The following SEZ6L variants were observed in gnomAD, a reference collection of about 807,000 sequenced individuals.
SEZ6L encodes the protein seizure 6-like protein.
Under a neutral mutation model 106.2 loss-of-function variants are expected in SEZ6L, and 37 were observed. The ratio of observed to expected loss-of-function variants is 0.35; its 90% confidence interval spans 0.27 to 0.46. The LOEUF is 0.46. SEZ6L is among the 20% of genes least tolerant of loss of function. The pLI is 1.00. For missense variants in SEZ6L, 1,172 were observed against 1,332.8 expected (o/e 0.88, Z 1.88); for synonymous variants, 541 against 570.4 (o/e 0.95, Z 0.73).
At chr22:26,286,623 C>T (rs150990246) in intron 1 of SEZ6L, among the ~76,000 whole-genome samples, 1 of 152,304 alleles carries the variant, frequency 6.6e-6, no homozygotes, top group East Asian at 1.9e-4. Flanking sequence ...CGTTTCTTCA[C>T]TCACATCACC....
intron 8 of SEZ6L, 39 bp from the exon 9 acceptor site, chr22:26,313,725 C>G: frequency 6.3e-7 from 1 of 1,590,242 alleles, no homozygotes; most frequent in Non-Finnish European, 8.6e-7. Context: ...GACTTCTTTA[C>G]AAATAAAGTC....
chr22:26,374,310 C>T (rs1443898886), intron 14 of SEZ6L, among the ~76,000 whole-genome samples: 1 of 146,378 alleles, frequency 6.8e-6, no homozygotes, highest in East Asian at 2.0e-4. Context: ...TTTTATTATT[C>T]CTGGAGCCAT....
chr22:26,308,608 C>G (rs993905141), intron 6 of SEZ6L, among the ~76,000 whole-genome samples: 1 of 152,162 alleles, frequency 6.6e-6, no homozygotes, highest in African/African-American at 2.4e-5. Context: ...CCACCCTATC[C>G]TTGCCTTGAA....
intron 9 of SEZ6L, among the ~76,000 whole-genome samples, chr22:26,315,226 C>T (rs1442442939): frequency 6.6e-6 from 1 of 152,158 alleles, no homozygotes; most frequent in Non-Finnish European, 1.5e-5. Flanking sequence ...ATGCCTACAA[C>T]CCCAACACTT....
chr22:26,173,116 G>A (rs1376256762), intron 1 of SEZ6L, among the ~76,000 whole-genome samples: 3 of 152,182 alleles, frequency 2.0e-5, no homozygotes, highest in Admixed American at 6.5e-5. Flanking sequence ...TGGGGGCAGG[G>A]CAAGGAGGAC....
At chr22:26,287,701 C>G (rs1426856760) in intron 1 of SEZ6L, among the ~76,000 whole-genome samples, 1 of 152,184 alleles carries the variant, frequency 6.6e-6, no homozygotes, top group Non-Finnish European at 1.5e-5. Flanking sequence ...CCCAGTGGGA[C>G]TTGGTTTTGC....
intron 1 of SEZ6L, among the ~76,000 whole-genome samples, chr22:26,247,020 G>A (rs1244984438): frequency 6.6e-6 from 1 of 152,178 alleles, no homozygotes; most frequent in African/African-American, 2.4e-5. Context: ...AATATCAAGG[G>A]TGTGCTATTT....
chr22:26,264,185 T>C (rs1254984979), intron 1 of SEZ6L, among the ~76,000 whole-genome samples: 1 of 152,242 alleles, frequency 6.6e-6, no homozygotes, highest in African/African-American at 2.4e-5. Context: ...TGGCAGATTC[T>C]GAGGCTGCAT....
At chr22:26,366,346 A>G (rs2083812095) in intron 13 of SEZ6L, among the ~76,000 whole-genome samples, 1 of 151,984 alleles carries the variant, frequency 6.6e-6, no homozygotes, top group African/African-American at 2.4e-5. Flanking sequence ...AAATGAAAAC[A>G]TAAAGGTCTT....
intron 11 of SEZ6L, among the ~76,000 whole-genome samples, chr22:26,348,565 GGAAA>G (rs1235470776): frequency 3.3e-3 from 113 of 34,714 alleles, no homozygotes; most frequent in African/African-American, 6.3e-3. Flanking sequence ...AAGGAAGGGA[GGAAA>G]GAAAGAAAGA....
At chr22:26,357,920 C>T (rs2146038821) in intron 12 of SEZ6L, among the ~76,000 whole-genome samples, 1 of 152,306 alleles carries the variant, frequency 6.6e-6, no homozygotes, top group East Asian at 1.9e-4. Flanking sequence ...TTATGAGTGG[C>T]TCTCCAGGAG....
At chr22:26,250,396 C>A (rs1451023313) in intron 1 of SEZ6L, among the ~76,000 whole-genome samples, 1 of 152,084 alleles carries the variant, frequency 6.6e-6, no homozygotes, top group East Asian at 1.9e-4. Context: ...ATCCAGTTTT[C>A]CCAGCACCAT....
rs758715773 is a variant in SEZ6L, at chr22:26,294,364, A to G, written c.908A>G (p.Asn303Ser). Residue 303 changes from asparagine to serine, a missense_variant, in exon 3 of 17, where the codon AAC becomes AGC. Asn to Ser is a conservative substitution (Grantham distance 46). Transcript: ENST00000248933. ...AGCGACTACCCACTGCTGCCCCTCAACAACTTTCTGGAGTGCACATACAAC... is the reference window on the plus strand; with the variant it reads ...AGCGACTACCCACTGCTGCCCCTCAGCAACTTTCTGGAGTGCACATACAAC... ...DSSDYPLLPLNNFLECTYNVT... is the reference protein window; with the variant it reads ...DSSDYPLLPLSNFLECTYNVT... The G allele has an allele frequency of 3.1e-6, 5 of 1,613,990 alleles. No individual in the cohort carries two copies. The highest frequency in any genetic ancestry group is 3.3e-5 in the Admixed American group (2 of 59,988).
At chr22:26,286,349 C>T (rs760463162) in intron 1 of SEZ6L, among the ~76,000 whole-genome samples, 9 of 152,126 alleles carry the variant, frequency 5.9e-5, no homozygotes, top group South Asian at 2.1e-4. Flanking sequence ...AAAATCAGCT[C>T]GTTCTGTAAA....
intron 1 of SEZ6L, among the ~76,000 whole-genome samples, chr22:26,251,065 T>C (rs943327658): frequency 6.6e-6 from 1 of 152,180 alleles, no homozygotes; most frequent in Non-Finnish European, 1.5e-5. Context: ...AGTTTTTTGG[T>C]GGAGTCTTTA....
At chr22:26,329,376 G>A (rs2082412675) in intron 9 of SEZ6L, among the ~76,000 whole-genome samples, 2 of 152,142 alleles carry the variant, frequency 1.3e-5, no homozygotes, top group South Asian at 4.2e-4. Flanking sequence ...GCTAAGGCAG[G>A]AGAATAGCTT....
chr22:26,273,113 G>A (rs752828564), intron 1 of SEZ6L, among the ~76,000 whole-genome samples: 29 of 152,222 alleles, frequency 1.9e-4, no homozygotes, highest in Non-Finnish European at 3.7e-4. Context: ...GGGGGGAATT[G>A]GCATCTTTCC....
At chr22:26,204,028 A>G (rs556885546) in intron 1 of SEZ6L, among the ~76,000 whole-genome samples, 1 of 152,350 alleles carries the variant, frequency 6.6e-6, no homozygotes, top group East Asian at 1.9e-4. Context: ...TCAAATCTCC[A>G]GACACCCTAA....
chr22:26,174,942 G>A (rs1235885564), intron 1 of SEZ6L, among the ~76,000 whole-genome samples: 5 of 152,234 alleles, frequency 3.3e-5, no homozygotes, highest in Admixed American at 6.5e-5. Flanking sequence ...AGATGCAGTT[G>A]TTATCTGCAT....
Sources: allele counts gnomAD v4.1 joint callset (sites outside exome capture counted in the v4.1 genomes callset), GRCh38; gene constraint gnomAD v4.1.1; transcripts MANE v1.5; gene names NCBI Gene and HGNC (gene_info 2026-07-23, HGNC 2026-07-21).